BNC2: variants seen among roughly 807,000 people sequenced by gnomAD.
BNC2 encodes the protein basonuclin zinc finger protein 2, also known as zinc finger protein basonuclin-2.
BNC2 carries 20 observed loss-of-function variants against 76.3 expected under a neutral mutation model. The observed-to-expected ratio is 0.26, with a 90% confidence interval of 0.18 to 0.38. The LOEUF (loss-of-function observed/expected upper bound fraction) is 0.38. Among genes scored for constraint, BNC2 ranks in the 10% least tolerant of loss-of-function variants. The pLI is 1.00. For synonymous variants in BNC2, 582 were observed against 514.8 expected, an observed-to-expected ratio of 1.13 and a Z score of -1.77; for missense variants, 1,382 against 1,399.8, an observed-to-expected ratio of 0.99 and a Z score of 0.20.
intron 5 of BNC2, among the ~76,000 whole-genome samples, chr9:16,525,751 T>A (rs1046752828): frequency 6.6e-6 from 1 of 152,216 alleles, no homozygotes; most frequent in Non-Finnish European, 1.5e-5. Context: ...AAGTGCAGAA[T>A]AATGTGCTCA....
At chr9:16,851,198 C>T (rs1359926239) in intron 1 of BNC2, among the ~76,000 whole-genome samples, 1 of 152,208 alleles carries the variant, frequency 6.6e-6, no homozygotes, top group African/African-American at 2.4e-5. Flanking sequence ...TCTCATTTCA[C>T]TTAAAAAGTA....
At chr9:16,680,906 A>G (rs1822803722) in intron 3 of BNC2, among the ~76,000 whole-genome samples, 1 of 152,200 alleles carries the variant, frequency 6.6e-6, no homozygotes. Context: ...ATCCATATCA[A>G]TTTCGACAAT....
At chr9:16,452,974 A>T (rs776676759) in intron 5 of BNC2, among the ~76,000 whole-genome samples, 1 of 152,230 alleles carries the variant, frequency 6.6e-6, no homozygotes, top group Non-Finnish European at 1.5e-5. Flanking sequence ...AAAACAAAAC[A>T]AAACTAAACC....
At chr9:16,482,121 C>T (rs190043620) in intron 5 of BNC2, among the ~76,000 whole-genome samples, 1 of 152,106 alleles carries the variant, frequency 6.6e-6, no homozygotes. Context: ...AATAGAAGAC[C>T]AATATATGTC....
At chr9:16,431,502 A>T (rs1457995379) in intron 6 of BNC2, 1 of 469,516 alleles carries the variant, frequency 2.1e-6, no homozygotes, top group Admixed American at 2.4e-5. Flanking sequence ...GAAAGATTTC[A>T]TATGTATACT....
intron 3 of BNC2, among the ~76,000 whole-genome samples, chr9:16,678,267 CTTTTT>C (rs140809930): frequency 8.7e-5 from 7 of 80,736 alleles, no homozygotes; most frequent in South Asian, 4.7e-4. Flanking sequence ...CTTTCTTTTT[CTTTTT>C]TTTTTTTTTT....
chr9:16,668,960 G>A (rs574613298), intron 3 of BNC2, among the ~76,000 whole-genome samples: 1 of 152,202 alleles, frequency 6.6e-6, no homozygotes, highest in South Asian at 2.1e-4. Context: ...GTAAGTTGAC[G>A]CAGTGCTTTA....
chr9:16,730,500 A>C (rs1196237695), intron 2 of BNC2, among the ~76,000 whole-genome samples: 1 of 152,218 alleles, frequency 6.6e-6, no homozygotes, highest in African/African-American at 2.4e-5. Context: ...GACTGAGAGA[A>C]GCAGTTTATT....
intron 1 of BNC2, among the ~76,000 whole-genome samples, chr9:16,851,859 T>C (rs1279871235): frequency 6.6e-6 from 1 of 152,194 alleles, no homozygotes; most frequent in African/African-American, 2.4e-5. Flanking sequence ...TTCTCACACA[T>C]ATGTTAGCAC....
chr9:16,736,421 A>C (rs1824669935), intron 2 of BNC2, among the ~76,000 whole-genome samples: 2 of 91,586 alleles, frequency 2.2e-5, no homozygotes, highest in Non-Finnish European at 4.4e-5. Flanking sequence ...AAGTTTCAAA[A>C]ATTTTTATAG....
intron 5 of BNC2, among the ~76,000 whole-genome samples, chr9:16,538,719 G>A (rs1343021170): frequency 2.0e-5 from 3 of 152,082 alleles, no homozygotes. Context: ...TCAAAAAGTG[G>A]GGGCCAGGTT....
At chr9:16,710,686 C>T (rs776498169) in intron 3 of BNC2, among the ~76,000 whole-genome samples, 3 of 152,062 alleles carry the variant, frequency 2.0e-5, no homozygotes, top group Non-Finnish European at 4.4e-5. Flanking sequence ...CCATCCAAGC[C>T]ACCCCCACAT....
At chr9:16,487,256 G>A (rs1303478265) in intron 5 of BNC2, among the ~76,000 whole-genome samples, 1 of 152,166 alleles carries the variant, frequency 6.6e-6, no homozygotes, top group African/African-American at 2.4e-5. Flanking sequence ...CAGTAAGTCT[G>A]TCGGCTGGGG....
intron 3 of BNC2, among the ~76,000 whole-genome samples, chr9:16,592,489 A>G (rs1819957491): frequency 6.6e-6 from 1 of 152,216 alleles, no homozygotes; most frequent in East Asian, 1.9e-4. Context: ...AGAGGGAAAT[A>G]TGTAATGATA....
At chr9:16,531,304 C>A (rs1817966946) in intron 5 of BNC2, among the ~76,000 whole-genome samples, 1 of 151,962 alleles carries the variant, frequency 6.6e-6, no homozygotes, top group Non-Finnish European at 1.5e-5. Flanking sequence ...GGGTGGCATT[C>A]CAAAGGCTTC....
At chr9:16,756,328 G>C (rs1037551657) in intron 1 of BNC2, among the ~76,000 whole-genome samples, 2 of 151,970 alleles carry the variant, frequency 1.3e-5, no homozygotes, top group Admixed American at 6.5e-5. Flanking sequence ...CTGCCTCTCT[G>C]ACACCCCACA....
chr9:16,807,930 G>C (rs1189855354), intron 1 of BNC2, among the ~76,000 whole-genome samples: 1 of 151,974 alleles, frequency 6.6e-6, no homozygotes, highest in African/African-American at 2.4e-5. Context: ...AAAGAACATA[G>C]GCAAATCCTA....
At position 16,417,018 on chromosome 9, in the gene BNC2, T is replaced by C. The variant is rs538928571; in HGVS notation, c.*1971A>G. ...AAAATAAAGGGATATTTCTAACTTTTAGACTGATGAAAGAAATGTCTGAGG... is the reference window on the plus strand; with the variant it reads ...AAAATAAAGGGATATTTCTAACTTTCAGACTGATGAAAGAAATGTCTGAGG... On this transcript the variant is annotated 3_prime_UTR_variant, in exon 7 of 7. Coordinates refer to ENST00000380672, the MANE Select transcript of BNC2 (RefSeq NM_017637.6). 6 of 152,726 alleles carry C rather than the reference T, an allele frequency of 3.9e-5. No homozygotes were observed. In the South Asian group the frequency reaches 1.2e-3, roughly 32 times the overall value. 9.5% of individuals were successfully genotyped at this position (152,726 alleles called of 1,614,324 possible).
chr9:16,746,381 T>C (rs1825004909), intron 1 of BNC2, among the ~76,000 whole-genome samples: 1 of 152,018 alleles, frequency 6.6e-6, no homozygotes, highest in Non-Finnish European at 1.5e-5. Flanking sequence ...GTTTGCTTTT[T>C]GAGACAGGGT....
Sources: allele counts gnomAD v4.1 joint callset (sites outside exome capture counted in the v4.1 genomes callset), GRCh38; gene constraint gnomAD v4.1.1; transcripts MANE v1.5; gene names NCBI Gene and HGNC (gene_info 2026-07-23, HGNC 2026-07-21).